The following CREB5 variants were observed in gnomAD, a reference collection of about 807,000 sequenced individuals.
The protein encoded by CREB5 is cyclic AMP-responsive element-binding protein 5.
Under a neutral mutation model 57.1 loss-of-function variants are expected in CREB5, and 19 were observed. The ratio of observed to expected loss-of-function variants is 0.33; its 90% confidence interval spans 0.23 to 0.49. CREB5 has a LOEUF of 0.49. Among genes scored for constraint, CREB5 ranks in the 20% least tolerant of loss-of-function variants. The pLI, the probability that CREB5 is intolerant of heterozygous loss-of-function variation, is 0.99. For synonymous variants in CREB5, 238 were observed against 238.3 expected (o/e 1.00, Z 0.01); for missense variants, 579 against 671.6 (o/e 0.86, Z 1.52).
intron 4 of CREB5, among the ~76,000 whole-genome samples, chr7:28,519,595 C>T (rs1298539673): frequency 1.3e-5 from 2 of 152,152 alleles, no homozygotes; most frequent in Non-Finnish European, 2.9e-5. Context: ...CAACCAGAGG[C>T]ACATATTGTA....
intron 7 of CREB5, among the ~76,000 whole-genome samples, chr7:28,761,927 A>G (rs1047518395): frequency 2.6e-5 from 4 of 152,052 alleles, no homozygotes; most frequent in Non-Finnish European, 5.9e-5. Context: ...AATTTTTAGA[A>G]ATGAGTTCGC....
chr7:28,369,019 T>A (rs979145108), intron 1 of CREB5, among the ~76,000 whole-genome samples: 9 of 152,168 alleles, frequency 5.9e-5, no homozygotes, highest in Non-Finnish European at 1.5e-5. Flanking sequence ...GCACTCCAGC[T>A]GGGCAACAGA....
intron 5 of CREB5, among the ~76,000 whole-genome samples, chr7:28,706,572 G>T (rs1298749828): frequency 1.3e-5 from 2 of 152,166 alleles, no homozygotes; most frequent in Middle Eastern, 3.2e-3. Flanking sequence ...GCAAAGCCAG[G>T]TTGAAAAGCC....
chr7:28,452,809 T>G (rs976407593), intron 1 of CREB5, among the ~76,000 whole-genome samples: 7 of 152,182 alleles, frequency 4.6e-5, no homozygotes. Context: ...CCTGGGGGAC[T>G]CAGTCCACAG....
intron 1 of CREB5, among the ~76,000 whole-genome samples, chr7:28,467,269 A>G (rs1247691133): frequency 6.6e-6 from 1 of 152,138 alleles, no homozygotes; most frequent in Non-Finnish European, 1.5e-5. Flanking sequence ...CTGCAGAAAG[A>G]CTTGCCATTC....
At chr7:28,562,390 T>TA (rs1345084281) in intron 4 of CREB5, among the ~76,000 whole-genome samples, 8 of 152,198 alleles carry the variant, frequency 5.3e-5, no homozygotes, top group Admixed American at 2.0e-4. Context: ...TGAATAGCTA[T>TA]AAAATGCTCA....
intron 3 of CREB5, among the ~76,000 whole-genome samples, chr7:28,499,996 G>A (rs1366103870): frequency 6.6e-6 from 1 of 152,198 alleles, no homozygotes; most frequent in Non-Finnish European, 1.5e-5. Flanking sequence ...ACCAGTCAAG[G>A]TGTAGGAAAA....
chr7:28,688,291 G>A (rs1161837208), intron 5 of CREB5, among the ~76,000 whole-genome samples: 1 of 152,060 alleles, frequency 6.6e-6, no homozygotes, highest in African/African-American at 2.4e-5. Context: ...AGTAGACAAG[G>A]GGGAGAATTC....
intron 1 of CREB5, among the ~76,000 whole-genome samples, chr7:28,312,020 C>A (rs1355181567): frequency 6.6e-6 from 1 of 152,062 alleles, no homozygotes; most frequent in Admixed American, 6.5e-5. Flanking sequence ...TGTTCTGCAC[C>A]CTTTTGTTCT....
chr7:28,423,902 A>G (rs1788384176), intron 1 of CREB5, among the ~76,000 whole-genome samples: 1 of 152,162 alleles, frequency 6.6e-6, no homozygotes, highest in Non-Finnish European at 1.5e-5. Context: ...CATGGCCAGG[A>G]GTGTTAGCTT....
intron 7 of CREB5, among the ~76,000 whole-genome samples, chr7:28,792,429 G>A (rs1807771528): frequency 6.6e-6 from 1 of 152,100 alleles, no homozygotes; most frequent in Non-Finnish European, 1.5e-5. Flanking sequence ...GATTATTACT[G>A]AAATTTTAAC....
At chr7:28,351,985 T>G (rs1375592466) in intron 1 of CREB5, among the ~76,000 whole-genome samples, 6 of 152,228 alleles carry the variant, frequency 3.9e-5, no homozygotes, top group African/African-American at 1.4e-4. Flanking sequence ...TTGCCAGTTT[T>G]AAAGTGTCTG....
chr7:28,620,484 G>T (rs751272158), intron 5 of CREB5, among the ~76,000 whole-genome samples: 1 of 152,104 alleles, frequency 6.6e-6, no homozygotes, highest in Non-Finnish European at 1.5e-5. Flanking sequence ...AGATCTTCAC[G>T]CTCTGGTGCC....
chr7:28,565,925 TA>T (rs1209330704), intron 4 of CREB5, among the ~76,000 whole-genome samples: 1 of 152,020 alleles, frequency 6.6e-6, no homozygotes, highest in Admixed American at 6.6e-5. Flanking sequence ...TGTCTGAAAA[TA>T]AAAAACAAAA....
rs528813174 is a variant in CREB5, at chr7:28,668,867, G to A, written c.465-49886G>A. Among the ~76,000 whole-genome samples, 9 of 152,198 alleles carry A rather than the reference G, an allele frequency of 5.9e-5. No homozygotes were observed. The South Asian group carries it at 1.0e-3, about 18-fold the overall frequency. ...AATTCATCACAATGCTCTGTCCACG[G>A]CCCGCTGCTACCCTCCTCTTTCAGA... On this transcript the variant is annotated intron_variant, in intron 5 of 10. Transcript: ENST00000357727.
intron 4 of CREB5, among the ~76,000 whole-genome samples, chr7:28,559,340 G>A (rs547798741): frequency 1.3e-5 from 2 of 152,072 alleles, no homozygotes; most frequent in Admixed American, 6.6e-5. Flanking sequence ...TTTTTGAGAC[G>A]GAGTCTGGCT....
intron 1 of CREB5, among the ~76,000 whole-genome samples, chr7:28,429,108 C>G (rs1049474522): frequency 6.6e-6 from 1 of 152,174 alleles, no homozygotes; most frequent in African/African-American, 2.4e-5. Context: ...TCATTGCAAC[C>G]TCCCCCTCCC....
chr7:28,816,012 A>G (rs1809415943), intron 9 of CREB5, among the ~76,000 whole-genome samples: 2 of 152,218 alleles, frequency 1.3e-5, no homozygotes, highest in South Asian at 4.2e-4. Flanking sequence ...TCTGTAGTCT[A>G]AATGCAAATA....
intron 5 of CREB5, among the ~76,000 whole-genome samples, chr7:28,618,777 A>G (rs968757654): frequency 6.6e-6 from 1 of 152,200 alleles, no homozygotes; most frequent in Non-Finnish European, 1.5e-5. Context: ...ATAACAAGCT[A>G]CCAATGGAGT....
Sources: gnomAD v4.1 joint callset for allele counts (sites outside exome capture counted in the v4.1 genomes callset) on GRCh38, gnomAD v4.1.1 for gene constraint, MANE v1.5 for transcripts, NCBI Gene and HGNC (gene_info 2026-07-23, HGNC 2026-07-21) for gene names.